Variants in LAMA1 observed in about 807,000 individuals in gnomAD.
The protein encoded by LAMA1 is laminin subunit alpha-1.
LAMA1 carries 219 observed loss-of-function variants against 348.7 expected under a neutral mutation model. The ratio of observed to expected loss-of-function variants is 0.63; its 90% CI spans 0.56 to 0.70. LAMA1 has a LOEUF of 0.70. Among genes scored for constraint, LAMA1 ranks in the 30% least tolerant of loss-of-function variants. The pLI is 0.00. For synonymous variants in LAMA1, 1,487 were observed against 1,491.0 expected (o/e 1.00, Z 0.06); for missense variants, 3,744 against 3,888.0 (o/e 0.96, Z 0.99).
At chr18:7,088,941 A>G (rs967772470) in intron 1 of LAMA1, among the ~76,000 whole-genome samples, 1 of 152,120 alleles carries the variant, frequency 6.6e-6, no homozygotes, top group African/African-American at 2.4e-5. Context: ...TAGGAGCTCG[A>G]GGTTGCAGAG....
At chr18:7,110,367 G>T (rs747930892) in intron 1 of LAMA1, among the ~76,000 whole-genome samples, 7 of 152,088 alleles carry the variant, frequency 4.6e-5, no homozygotes, top group Non-Finnish European at 1.0e-4. Context: ...AACAGAAAAG[G>T]AAATGAAGCC....
In LAMA1 at chr18:6,992,608, C is replaced by A; in HGVS notation, c.5121G>T (p.Gln1707His). Residue 1707 changes from glutamine to histidine, a missense_variant, in exon 36 of 63, where the codon CAG (glutamine) becomes CAT (histidine). Transcript: ENST00000389658. ...QNGTSLLEIM[Q>H]IRDFTQLHQN... is the part of the protein sequence containing the mutation. ...GGTGCAACTGTGTGAAGTCTCTTAT[C>A]TGCATGATTTCTAGCAAAGATGTAC... is the stretch of plus-strand genomic sequence containing the variant. The A allele has an allele frequency of 6.2e-7, 1 of 1,614,182 alleles. No individual in the cohort carries two copies. Among genetic ancestry groups the A allele is most frequent in the South Asian group, 1.1e-5 (1 of 91,086 alleles).
intron 45 of LAMA1, 22 bp from the exon 46 acceptor site, chr18:6,975,058 G>A (rs1411433611): frequency 4.3e-6 from 7 of 1,611,246 alleles, no homozygotes; most frequent in Non-Finnish European, 5.1e-6. Context: ...GGAATGAACG[G>A]GGATCAGTTT....
intron 3 of LAMA1, among the ~76,000 whole-genome samples, chr18:7,071,359 A>G (rs1361942989): frequency 6.6e-6 from 1 of 152,238 alleles, no homozygotes; most frequent in South Asian, 2.1e-4. Flanking sequence ...GCTATAACCC[A>G]TATCTATAAA....
intron 1 of LAMA1, among the ~76,000 whole-genome samples, chr18:7,107,395 G>A (rs1417737781): frequency 6.6e-6 from 1 of 152,052 alleles, no homozygotes; most frequent in African/African-American, 2.4e-5. Context: ...TGAGATTACA[G>A]GCGTGAGCCA....
At chr18:7,074,711 T>C (rs1231858785) in intron 3 of LAMA1, among the ~76,000 whole-genome samples, 1 of 152,072 alleles carries the variant, frequency 6.6e-6, no homozygotes, top group African/African-American at 2.4e-5. Context: ...TATGAATTTT[T>C]TAAAAGTAAG....
intron 1 of LAMA1, among the ~76,000 whole-genome samples, chr18:7,112,622 A>AT (rs1247353321): frequency 3.5e-5 from 5 of 142,970 alleles, no homozygotes; most frequent in Non-Finnish European, 7.5e-5. Flanking sequence ...ACATATATGT[A>AT]TTTTATATAT....
At chr18:7,033,782 T>G (rs12607141) in intron 14 of LAMA1, among the ~76,000 whole-genome samples, 69,061 of 151,506 alleles carry the variant, frequency 0.46, 16,969 homozygotes, top group African/African-American at 0.65. Context: ...CTGCCCCAGC[T>G]GGAGTGCAGT....
intron 1 of LAMA1, among the ~76,000 whole-genome samples, chr18:7,096,347 C>T (rs75915824): frequency 0.021 from 3,168 of 152,254 alleles, 112 homozygotes; most frequent in African/African-American, 0.073. Flanking sequence ...CAGATTTCCA[C>T]TGGTGAAATT....
rs77255914 is a variant in LAMA1, at chr18:6,986,055, G to A, written c.5379+82C>T. ...TTACAAGCGTGAGCCACCCAGCCAG[G>A]CCAGGGCTCACTTTTAATTGCTTAC... On this transcript the variant is annotated intron_variant, in intron 37 of 62. Transcript: ENST00000389658. 6,493 of 1,508,062 alleles carry A rather than the reference G, an allele frequency of 4.3e-3. 144 individuals carry two copies. In the African/African-American group the frequency reaches 0.06, roughly 14 times the overall value. The allele number at this position is 1,508,062 out of a possible 1,614,324, so 93.4% of individuals were successfully genotyped here.
chr18:6,947,802 C>T (rs954220486), intron 60 of LAMA1, among the ~76,000 whole-genome samples: 32 of 152,134 alleles, frequency 2.1e-4, no homozygotes, highest in African/African-American at 7.5e-4. Context: ...CGAGGAGCCA[C>T]ACTGGGTGGG....
chr18:7,060,205 G>A (rs1366604046), intron 3 of LAMA1, among the ~76,000 whole-genome samples: 1 of 152,198 alleles, frequency 6.6e-6, no homozygotes, highest in Non-Finnish European at 1.5e-5. Flanking sequence ...GCAATTACTT[G>A]AAATGTCATT....
At chr18:7,032,917 C>T (rs1341128231) in intron 15 of LAMA1, 67 bp downstream of exon 15, 3 of 1,166,156 alleles carry the variant, frequency 2.6e-6, no homozygotes, top group African/African-American at 3.1e-5. Flanking sequence ...CATGACATCC[C>T]CTTCAGTGCA....
At chr18:6,948,605 G>A (rs759183942) in intron 59 of LAMA1, 49 bp from the exon 60 acceptor site, 2 of 1,608,036 alleles carry the variant, frequency 1.2e-6, no homozygotes, top group Non-Finnish European at 1.7e-6. Flanking sequence ...CTAATGGGAA[G>A]GGTTTGGACA....
chr18:7,039,844 T>C (rs772503937), intron 10 of LAMA1, among the ~76,000 whole-genome samples: 3 of 152,146 alleles, frequency 2.0e-5, no homozygotes, highest in Non-Finnish European at 1.5e-5. Flanking sequence ...CAGAAATGCC[T>C]CTGGAATATA....
chr18:7,037,459 A>G, intron 12 of LAMA1, 119 bp downstream of exon 12: 1 of 1,098,264 alleles, frequency 9.1e-7, no homozygotes, highest in Non-Finnish European at 1.4e-6. Flanking sequence ...AGGCTATGAA[A>G]TGCTGTCCAA....
At chr18:7,068,848 AAT>A (rs2058134199) in intron 3 of LAMA1, among the ~76,000 whole-genome samples, 1 of 152,326 alleles carries the variant, frequency 6.6e-6, no homozygotes, top group African/African-American at 2.4e-5. Context: ...TTTTCAAAGA[AAT>A]ATCTCTTGAG....
At chr18:7,080,489 C>A (rs779341970) in intron 1 of LAMA1, 32 bp from the exon 2 acceptor site, 1 of 1,610,004 alleles carries the variant, frequency 6.2e-7, no homozygotes, top group Non-Finnish European at 8.5e-7. Flanking sequence ...ATCAGCTGAG[C>A]CACTTGAAAT....
chr18:7,024,416 C>A lies in LAMA1; in HGVS notation c.2453G>T (p.Trp818Leu). The part of the protein sequence containing the change: ...LNDGDEVVCD[W>L]CAPGYSGAWC... ...AGCTCCTGAGTAGCCCGGGGCACAC[C>A]AGTCACAGACCACTTCATCTCCATC... Residue 818 changes from tryptophan to leucine, a missense_variant, in exon 18 of 63, where the codon TGG (tryptophan) becomes TTG (leucine). By Grantham distance (61) the Trp-to-Leu change is moderately conservative. This residue lies in a region of LAMA1 where 1,529 missense variants were observed against 1,689.4 expected (regional missense o/e 0.91). Transcript: ENST00000389658. 1.9e-6 allele frequency: 3 copies of A among 1,614,120 alleles called. No homozygotes were observed. The highest frequency in any genetic ancestry group is 1.7e-5 in the Admixed American group (1 of 60,012).
Sources: gnomAD v4.1 joint callset for allele counts (sites outside exome capture counted in the v4.1 genomes callset) on GRCh38, gnomAD v4.1.1 for gene constraint, gnomAD v4.1.1 regional missense constraint, MANE v1.5 for transcripts, NCBI Gene and HGNC (gene_info 2026-07-23, HGNC 2026-07-21) for gene names.